PTPN9: variants seen among roughly 807,000 people sequenced by gnomAD.
The protein encoded by PTPN9 is tyrosine-protein phosphatase non-receptor type 9.
A neutral mutation model predicts 69.8 loss-of-function variants in PTPN9; 26 were observed. The observed-to-expected ratio is 0.37, with a 90% confidence interval of 0.27 to 0.52. PTPN9 has a LOEUF of 0.52. PTPN9 is among the 20% of genes least tolerant of loss of function. PTPN9 has a pLI of 0.91. For missense variants in PTPN9, 549 were observed against 740.3 expected (o/e 0.74, Z 3.00); for synonymous variants, 274 against 272.5 (o/e 1.01, Z -0.05).
intron 1 of PTPN9, among the ~76,000 whole-genome samples, chr15:75,576,145 T>C (rs889612247): frequency 6.6e-6 from 1 of 151,096 alleles, no homozygotes; most frequent in African/African-American, 2.4e-5. Context: ...GGCAGGAGAA[T>C]CGCTTGAATC....
At chr15:75,539,980 T>C (rs1333068756) in intron 1 of PTPN9, among the ~76,000 whole-genome samples, 1 of 152,238 alleles carries the variant, frequency 6.6e-6, no homozygotes, top group Non-Finnish European at 1.5e-5. Context: ...ACGTCTGGCC[T>C]GAATGTGTGA....
At chr15:75,503,599 G>T (rs111700924) in intron 7 of PTPN9, among the ~76,000 whole-genome samples, 5 of 5,714 alleles carry the variant, frequency 8.8e-4, no homozygotes, top group South Asian at 0.014. Flanking sequence ...GAGGTGGGGG[G>T]GTCAGCCCCC....
intron 5 of PTPN9, among the ~76,000 whole-genome samples, chr15:75,512,046 T>C (rs1316469065): frequency 6.6e-6 from 1 of 152,066 alleles, no homozygotes; most frequent in East Asian, 1.9e-4. Flanking sequence ...GTTTTCACCA[T>C]GTTGGCCAGG....
intron 1 of PTPN9, among the ~76,000 whole-genome samples, chr15:75,574,287 CAAA>C (rs1374351542): frequency 3.4e-5 from 2 of 58,488 alleles, no homozygotes; most frequent in Non-Finnish European, 3.6e-5. Context: ...CCTGTCTCCA[CAAA>C]AAAAAAAAAA....
intron 7 of PTPN9, among the ~76,000 whole-genome samples, chr15:75,504,870 C>T (rs1171909010): frequency 4.0e-5 from 6 of 151,388 alleles, no homozygotes; most frequent in Admixed American, 1.3e-4. Flanking sequence ...CCAGCCACCC[C>T]GTCCGGGAGG....
In PTPN9 at chr15:75,476,160, AAAAT is replaced by A. The variant is rs549029319; in HGVS notation, c.1130-2397_1130-2394del. Among the ~76,000 whole-genome samples, 421 of 152,264 alleles carry A rather than the reference AAAAT, an allele frequency of 2.8e-3. 2 individuals carry two copies. Among genetic ancestry groups the A allele is most frequent in the South Asian group, 0.013 (63 of 4,826 alleles). ...GGTGACAGAGTGAGACCCTGTCTCA[AAAAT>A]AAATAAATAAATAATAGCATACCAT... On this transcript the variant is annotated intron_variant, in intron 9 of 12. Transcript: ENST00000618819.
At chr15:75,522,967 C>T (rs1012023513) in intron 4 of PTPN9, among the ~76,000 whole-genome samples, 154 bp downstream of exon 4, 15 of 152,112 alleles carry the variant, frequency 9.9e-5, no homozygotes, top group Non-Finnish European at 1.9e-4. Context: ...GCAAACATGC[C>T]GAGTTCTAAA....
chr15:75,530,430 A>T (rs2074950386), intron 1 of PTPN9, among the ~76,000 whole-genome samples: 1 of 107,776 alleles, frequency 9.3e-6, no homozygotes, highest in Non-Finnish European at 1.7e-5. Context: ...ATTATATTAT[A>T]ATATATAATA....
At chr15:75,531,505 G>T (rs2074963930) in intron 1 of PTPN9, among the ~76,000 whole-genome samples, 1 of 152,070 alleles carries the variant, frequency 6.6e-6, no homozygotes, top group South Asian at 2.1e-4. Context: ...AGCACAGAAA[G>T]ATCCCAGAAA....
At chr15:75,493,129 T>C (rs2074720767) in intron 7 of PTPN9, among the ~76,000 whole-genome samples, 1 of 152,076 alleles carries the variant, frequency 6.6e-6, no homozygotes, top group African/African-American at 2.4e-5. Flanking sequence ...CACTCCACCC[T>C]GGGTGACAAA....
At chr15:75,568,030 C>T (rs2075133902) in intron 1 of PTPN9, among the ~76,000 whole-genome samples, 1 of 151,196 alleles carries the variant, frequency 6.6e-6, no homozygotes, top group African/African-American at 2.4e-5. Flanking sequence ...AACTGAAATG[C>T]TTATCTCAGA....
chr15:75,522,349 C>T (rs1186468783), intron 4 of PTPN9, among the ~76,000 whole-genome samples: 1 of 151,982 alleles, frequency 6.6e-6, no homozygotes, highest in Non-Finnish European at 1.5e-5. Context: ...GGGCTTCTCC[C>T]TGAATGTTTT....
chr15:75,554,005 C>CTTTTTTT (rs72050060), intron 1 of PTPN9, among the ~76,000 whole-genome samples: 2 of 125,368 alleles, frequency 1.6e-5, no homozygotes, highest in Non-Finnish European at 3.3e-5. Flanking sequence ...TACTTTCTTT[C>CTTTTTTT]TTTTTTTTTT....
At chr15:75,512,377 C>G (rs973306595) in intron 5 of PTPN9, among the ~76,000 whole-genome samples, 3 of 151,844 alleles carry the variant, frequency 2.0e-5, no homozygotes, top group African/African-American at 7.3e-5. Context: ...AAATTTTGTA[C>G]AGTCAGGGTC....
At chr15:75,575,691 G>A (rs1011597428) in intron 1 of PTPN9, among the ~76,000 whole-genome samples, 3 of 152,020 alleles carry the variant, frequency 2.0e-5, no homozygotes, top group African/African-American at 4.8e-5. Flanking sequence ...AGGCCAAGGC[G>A]GGTGGATCAT....
chr15:75,547,467 GACAAAACAAAACAAAAA>G (rs2075038545), intron 1 of PTPN9, among the ~76,000 whole-genome samples: 1 of 151,688 alleles, frequency 6.6e-6, no homozygotes, highest in African/African-American at 2.4e-5. Flanking sequence ...CGTGGTGGCA[GACAAAACAAAACAAAAA>G]ACAAAACAAG....
chr15:75,560,577 A>C (rs2075100096), intron 1 of PTPN9, among the ~76,000 whole-genome samples: 1 of 152,242 alleles, frequency 6.6e-6, no homozygotes, highest in Non-Finnish European at 1.5e-5. Context: ...AAGAGCAGTA[A>C]AAATAACTTC....
chr15:75,523,351 G>A, intron 3 of PTPN9, 106 bp from the exon 4 acceptor site: 1 of 1,262,656 alleles, frequency 7.9e-7, no homozygotes. Context: ...GAAAACAGAT[G>A]CTAACAATAA....
chr15:75,568,507 C>CAAA (rs1206871976), intron 1 of PTPN9, among the ~76,000 whole-genome samples: 1 of 56,264 alleles, frequency 1.8e-5, no homozygotes, highest in African/African-American at 6.0e-5. Flanking sequence ...GACCTTGTCT[C>CAAA]AAAAAAAAAA....
Sources: allele counts gnomAD v4.1 joint callset (sites outside exome capture counted in the v4.1 genomes callset), GRCh38; gene constraint gnomAD v4.1.1; transcripts MANE v1.5; gene names NCBI Gene and HGNC (gene_info 2026-07-23, HGNC 2026-07-21).